SCUBE3: variants seen among roughly 807,000 people sequenced by gnomAD.
The protein encoded by SCUBE3 is signal peptide, CUB and EGF-like domain-containing protein 3.
In SCUBE3, 33 loss-of-function variants were observed where a neutral mutation model predicts 116.8. The observed-to-expected ratio is 0.28, with a 90% confidence interval of 0.21 to 0.38. The LOEUF (loss-of-function observed/expected upper bound fraction) is 0.38. Ranked by LOEUF, SCUBE3 falls within the 10% of genes least tolerant of loss-of-function variation. The probability of loss-of-function intolerance (pLI) is 1.00; values close to 1 mark genes in which losing one functional copy is unlikely to be tolerated. For synonymous variants in SCUBE3, 418 were observed against 496.9 expected (o/e 0.84, Z 2.11); for missense variants, 1,007 against 1,324.8 (o/e 0.76, Z 3.72).
chr6:35,215,736 C>G (rs761999845), intron 1 of SCUBE3, among the ~76,000 whole-genome samples: 6 of 152,244 alleles, frequency 3.9e-5, no homozygotes, highest in Non-Finnish European at 8.8e-5. Flanking sequence ...TCTCCCCAAA[C>G]ACTGCCTCTT....
intron 1 of SCUBE3, chr6:35,221,092 G>A (rs914749511): frequency 2.0e-5 from 3 of 152,186 alleles, no homozygotes; most frequent in Non-Finnish European, 4.4e-5. Context: ...TATTTTGGAT[G>A]TTACTTAGAG....
intron 21 of SCUBE3, 35 bp from the exon 22 acceptor site, chr6:35,248,521 G>T: frequency 6.2e-7 from 1 of 1,611,754 alleles, no homozygotes; most frequent in Non-Finnish European, 8.5e-7. Context: ...ACCCCCGACG[G>T]TGAGGCTGAC....
At chr6:35,230,920 G>A (rs190847151) in intron 3 of SCUBE3, among the ~76,000 whole-genome samples, 1 of 152,326 alleles carries the variant, frequency 6.6e-6, no homozygotes. Flanking sequence ...CTAGCATAGA[G>A]ATGGAATCAA....
intron 6 of SCUBE3, among the ~76,000 whole-genome samples, chr6:35,237,516 A>C (rs1206461234): frequency 6.6e-6 from 1 of 152,122 alleles, no homozygotes; most frequent in African/African-American, 2.4e-5. Flanking sequence ...AGAAACTCCT[A>C]TCTGTCCCTT....
At position 35,232,878 on chromosome 6, in the gene SCUBE3, C is replaced by A; in HGVS notation, c.498C>A (p.His166Gln). The A allele has an allele frequency of 1.2e-6, 2 of 1,614,096 alleles. No individual in the cohort carries two copies. The highest frequency in any genetic ancestry group is 1.7e-6 in the Non-Finnish European group (2 of 1,179,942). The stretch of plus-strand genomic sequence containing the variant: ...GAATGAATTGCATGAACAAGAACCA[C>A]GGCTGTGCCCACATTTGCCGGGAGA... The part of the protein sequence containing the change: ...EEGMNCMNKN[H>Q]GCAHICRETP... Residue 166 changes from histidine (H) to glutamine (Q), a missense_variant, in exon 5 of 22, where the codon CAC becomes CAA. By Grantham distance (24) the His-to-Gln change is conservative. This residue lies in a region of SCUBE3 where 214 missense variants were observed against 316.7 expected (regional missense o/e 0.68). Transcript: ENST00000274938. This position sits in a 1 kb window ranked among gnomAD's most constrained non-coding sequence, Gnocchi z 4.2.
intron 13 of SCUBE3, 119 bp from the exon 14 acceptor site, chr6:35,242,503 C>T (rs1784118041): frequency 1.9e-6 from 2 of 1,044,710 alleles, no homozygotes; most frequent in South Asian, 1.5e-5. Flanking sequence ...CTAATTAGGA[C>T]CCTAGACTAA....
rs550533989 is a variant in SCUBE3, at chr6:35,241,349, T to C, written c.1195+83T>C. 1.2e-4 allele frequency: 181 copies of C among 1,457,434 alleles called. No homozygotes were observed. The highest frequency in any genetic ancestry group is 1.2e-4 in the Non-Finnish European group (126 of 1,062,374). 90.3% of individuals were successfully genotyped at this position (1,457,434 alleles called of 1,614,324 possible). On this transcript the variant is annotated intron_variant, in intron 10 of 21. Coordinates refer to ENST00000274938, the MANE Select transcript of SCUBE3 (RefSeq NM_152753.4). This position sits in a 1 kb window ranked among gnomAD's most constrained non-coding sequence, Gnocchi z 4.1. The stretch of plus-strand genomic sequence containing the variant: ...GTTCTGGAAAGCATAGAGTATCACA[T>C]TGGGGAAAGGTGTGAGGTGGAAAGG...
rs1784517189 is a variant in SCUBE3, at chr6:35,250,585, C to T, written c.*1880C>T. Reference sequence around the variant, plus strand: ...ATCAAGTCCATGCCCAAGCCCAAAGCCTGCACACATTCTGCCCTTAATCCA... The same window carrying T: ...ATCAAGTCCATGCCCAAGCCCAAAGTCTGCACACATTCTGCCCTTAATCCA... On this transcript the variant is annotated 3_prime_UTR_variant, in exon 22 of 22. Transcript: ENST00000274938. 6.6e-6 allele frequency: 1 copy of T among 152,230 alleles called. No individual in the cohort carries two copies. The highest frequency in any genetic ancestry group is 2.4e-5 in the African/African-American group (1 of 41,442). 9.4% of individuals were successfully genotyped at this position (152,230 alleles called of 1,614,324 possible).
intron 3 of SCUBE3, among the ~76,000 whole-genome samples, chr6:35,230,916 TAG>T (rs1489956944): frequency 6.6e-6 from 1 of 152,074 alleles, no homozygotes; most frequent in African/African-American, 2.4e-5. Flanking sequence ...GTAGCTAGCA[TAG>T]AGATGGAATC....
chr6:35,236,763 C>G (rs1259902427), intron 6 of SCUBE3, among the ~76,000 whole-genome samples: 1 of 152,176 alleles, frequency 6.6e-6, no homozygotes, highest in African/African-American at 2.4e-5. Flanking sequence ...TCCCTTGATT[C>G]TGAGAACCAT....
Position 35,231,850 on chromosome 6 carries a change from C to A in SCUBE3, c.460C>A (p.Arg154=), listed in dbSNP as rs1249043061. 4 of 1,610,534 alleles carry A rather than the reference C, an allele frequency of 2.5e-6. No homozygotes were observed. The highest frequency in any genetic ancestry group is 3.4e-6 in the Non-Finnish European group (4 of 1,177,492). The change falls in exon 4 of 22, where the codon CGG becomes AGG. Residue 154 remains arginine (R), a synonymous_variant. Transcript: ENST00000274938. This position sits in a 1 kb window ranked among gnomAD's most constrained non-coding sequence, Gnocchi z 4.2. ...LSDNQHTCIQ[R]PEEGMNCMNK... ...CGACAACCAGCATACCTGTATCCAGCGGCCAGAAGGTCAGCCCATGACCTG... is the reference window on the plus strand; with the variant it reads ...CGACAACCAGCATACCTGTATCCAGAGGCCAGAAGGTCAGCCCATGACCTG...
At position 35,233,316 on chromosome 6, in the gene SCUBE3, G is replaced by C. The variant is rs202118255; in HGVS notation, c.712+15G>C. The C allele has an allele frequency of 6.0e-6, 9 of 1,503,970 alleles. No homozygotes were observed. In the East Asian group the frequency reaches 2.0e-4, roughly 34 times the overall value. The allele number at this position is 1,503,970 out of a possible 1,614,324, so 93.2% of individuals were successfully genotyped here. On this transcript the variant is annotated intron_variant, in intron 6 of 21. Transcript: ENST00000274938. This position sits in a 1 kb window ranked among gnomAD's most constrained non-coding sequence, Gnocchi z 5.7. ...GACATGCATCGGTGGGTGAGGCCAG[G>C]GGAGAACTCAGTCCACCTGAGATGG... is the stretch of plus-strand genomic sequence containing the variant.
Position 35,233,380 on chromosome 6 carries a change from G to A in SCUBE3, c.712+79G>A. 1 of 865,214 alleles carries A rather than the reference G, an allele frequency of 1.2e-6. No homozygotes were observed. Among genetic ancestry groups the A allele is most frequent in the Non-Finnish European group, 2.0e-6 (1 of 511,004 alleles). 53.6% of individuals were successfully genotyped at this position (865,214 alleles called of 1,614,324 possible). A position where few individuals can be genotyped will look rare whatever the true frequency, so the allele number is the denominator to read the frequency against. Reference sequence around the variant, plus strand: ...CCCTTTGGGAACCAGGGAAGTGGAGGAGTGCATGGGGCCCAGGTGCTGGGC... The same window carrying A: ...CCCTTTGGGAACCAGGGAAGTGGAGAAGTGCATGGGGCCCAGGTGCTGGGC... On this transcript the variant is annotated intron_variant, in intron 6 of 21. Coordinates refer to ENST00000274938, the MANE Select transcript of SCUBE3 (RefSeq NM_152753.4). The surrounding 1 kb of genome is among the most constrained non-coding windows in gnomAD (Gnocchi z 5.7).
chr6:35,242,447 G>A lies in SCUBE3; in HGVS notation c.1534+127G>A, dbSNP rs80339931. 420 of 915,474 alleles carry A rather than the reference G, an allele frequency of 4.6e-4. 3 individuals are homozygous for A. In the African/African-American group the frequency reaches 5.4e-3, roughly 12 times the overall value. The allele number at this position is 915,474 out of a possible 1,614,324, so 56.7% of individuals were successfully genotyped here. A position where few individuals can be genotyped will look rare whatever the true frequency, so the allele number is the denominator to read the frequency against. ...AGGCAGAGCAGAGGAAAAAGCAGCT[G>A]TAGGCATAGCACCCAAGGAAGTCCC... On this transcript the variant is annotated intron_variant, in intron 13 of 21. Coordinates refer to ENST00000274938, the MANE Select transcript of SCUBE3 (RefSeq NM_152753.4).
chr6:35,243,622 C>T lies in SCUBE3; in HGVS notation c.1938C>T (p.His646=), dbSNP rs142688983. The stretch of plus-strand genomic sequence containing the variant: ...GCTGCCCGCAGGGAACGTATTACCA[C>T]GGCCAGACGGAGCAGTGTGTGCCAT... ...CVSCPQGTYY[H]GQTEQCVPCP... The change falls in exon 16 of 22, where the codon CAC becomes CAT. Residue 646 remains histidine (H), a synonymous_variant. Coordinates refer to ENST00000274938, the MANE Select transcript of SCUBE3 (RefSeq NM_152753.4). This position sits in a 1 kb window ranked among gnomAD's most constrained non-coding sequence, Gnocchi z 6.6. 2.0e-4 allele frequency: 329 copies of T among 1,613,842 alleles called. No homozygotes were observed. The highest frequency in any genetic ancestry group is 2.4e-4 in the Non-Finnish European group (287 of 1,179,820).
chr6:35,234,158 T>G (rs1783662919), intron 6 of SCUBE3, among the ~76,000 whole-genome samples: 1 of 152,146 alleles, frequency 6.6e-6, no homozygotes, highest in Non-Finnish European at 1.5e-5. Flanking sequence ...AGGTTTCCCC[T>G]TGGAGAAGGG....
chr6:35,231,599 C>A lies in SCUBE3; in HGVS notation c.335-126C>A. On this transcript the variant is annotated intron_variant, in intron 3 of 21. Transcript: ENST00000274938. This position sits in a 1 kb window ranked among gnomAD's most constrained non-coding sequence, Gnocchi z 4.2. The stretch of plus-strand genomic sequence containing the variant: ...ATATTAGCTGACAAGGGTGTGAGGA[C>A]TTCCTGGCTTAAGGCTGGGCTTAGG... 1 of 739,224 alleles carries A rather than the reference C, an allele frequency of 1.4e-6. No homozygotes were observed. Among genetic ancestry groups the A allele is most frequent in the Non-Finnish European group, 2.0e-6 (1 of 493,670 alleles). The allele number at this position is 739,224 out of a possible 1,614,324, so 45.8% of individuals were successfully genotyped here.
chr6:35,249,690 C>T lies in SCUBE3; in HGVS notation c.*985C>T, dbSNP rs1044340873. On this transcript the variant is annotated 3_prime_UTR_variant, in exon 22 of 22. Coordinates refer to ENST00000274938, the MANE Select transcript of SCUBE3 (RefSeq NM_152753.4). ...TTAAACATGGTTATTGACCTGAAGC[C>T]AGCCTAGGCCTTGCCCTACAGTTGT... 2.0e-5 allele frequency: 3 copies of T among 152,626 alleles called. No individual in the cohort carries two copies. The highest frequency in any genetic ancestry group is 7.2e-5 in the African/African-American group (3 of 41,438). The allele number at this position is 152,626 out of a possible 1,614,324, so 9.5% of individuals were successfully genotyped here.
At chr6:35,221,835 C>T (rs1783128251) in intron 1 of SCUBE3, 1 of 152,174 alleles carries the variant, frequency 6.6e-6, no homozygotes, top group Non-Finnish European at 1.5e-5. Flanking sequence ...GATCAGGTGA[C>T]CAGAGAGCCT....
Sources: gnomAD v4.1 joint callset for allele counts (sites outside exome capture counted in the v4.1 genomes callset) on GRCh38, gnomAD v4.1.1 for gene constraint, gnomAD v4.1.1 regional missense constraint, Gnocchi (gnomAD v3.1) non-coding constraint, MANE v1.5 for transcripts, NCBI Gene and HGNC (gene_info 2026-07-23, HGNC 2026-07-21) for gene names.